The following CNOT6L variants were observed in gnomAD, a reference collection of about 807,000 sequenced individuals.
CNOT6L encodes CCR4-NOT transcription complex subunit 6 like.
In CNOT6L, 7 loss-of-function variants were observed where a neutral mutation model predicts 64.0. That is an observed-to-expected ratio of 0.11 (90% CI 0.06 to 0.21). The LOEUF (loss-of-function observed/expected upper bound fraction) is 0.21. Among genes scored for constraint, CNOT6L ranks in the 10% least tolerant of loss-of-function variants. CNOT6L has a pLI of 1.00. For missense variants in CNOT6L, 245 were observed against 669.0 expected (o/e 0.37, Z 6.99); for synonymous variants, 193 against 243.4 (o/e 0.79, Z 1.93).
At chr4:77,746,517 C>A (rs1191748625) in intron 6 of CNOT6L, among the ~76,000 whole-genome samples, 4 of 152,116 alleles carry the variant, frequency 2.6e-5, no homozygotes, top group African/African-American at 9.7e-5. Flanking sequence ...CCATACCTCA[C>A]AAGAAAAGTC....
Position 77,754,344 on chromosome 4 carries a change from A to T in CNOT6L, c.490+2518T>A, listed in dbSNP as rs142297465. Among the ~76,000 whole-genome samples, 903 of 152,308 alleles carry T rather than the reference A, an allele frequency of 5.9e-3. 5 individuals carry two copies. The highest frequency in any genetic ancestry group is 0.034 in the Middle Eastern group (10 of 294). On this transcript the variant is annotated intron_variant, in intron 5 of 11. Transcript: ENST00000504123. ...AATGACTATTTTTAAGCGAATTAAG[A>T]AGTTAGTATTTAGAATAAATGTAAT...
Position 77,718,483 on chromosome 4 carries a change from T to G in CNOT6L, c.*1948A>C, listed in dbSNP as rs531648954. ...ATCTGTCATCTTAAGGGTTGTTTCT[T>G]TTTGTTTGTTTATCCTGGTACTTTA... On this transcript the variant is annotated 3_prime_UTR_variant, in exon 12 of 12. Coordinates refer to ENST00000504123, the MANE Select transcript of CNOT6L (RefSeq NM_144571.3). The G allele has an allele frequency of 3.0e-4, 46 of 152,732 alleles. No individual in the cohort carries two copies. The highest frequency in any genetic ancestry group is 9.6e-4 in the African/African-American group (40 of 41,578). 9.5% of individuals were successfully genotyped at this position (152,732 alleles called of 1,614,324 possible). A position where few individuals can be genotyped will look rare whatever the true frequency, so the allele number is the denominator to read the frequency against.
intron 1 of CNOT6L, among the ~76,000 whole-genome samples, chr4:77,800,483 T>C (rs1190960901): frequency 6.6e-6 from 1 of 151,718 alleles, no homozygotes; most frequent in Non-Finnish European, 1.5e-5. Flanking sequence ...CACTCCAGCC[T>C]GTGAGCGACA....
intron 1 of CNOT6L, among the ~76,000 whole-genome samples, chr4:77,788,683 A>C (rs896776161): frequency 2.6e-5 from 4 of 152,158 alleles, no homozygotes; most frequent in Non-Finnish European, 5.9e-5. Flanking sequence ...AGCCAAGATT[A>C]TGCCACTGCA....
intron 1 of CNOT6L, among the ~76,000 whole-genome samples, chr4:77,783,098 TA>T (rs935286151): frequency 3.0e-5 from 3 of 98,570 alleles, no homozygotes; most frequent in Non-Finnish European, 3.9e-5. Context: ...AACATTTTTT[TA>T]AAAAAGACTT....
chr4:77,718,370 C>T lies in CNOT6L; in HGVS notation c.*2061G>A. 1 of 152,542 alleles carries T rather than the reference C, an allele frequency of 6.6e-6. No individual in the cohort carries two copies. Among genetic ancestry groups the T allele is most frequent in the Non-Finnish European group, 1.5e-5 (1 of 68,020 alleles). The allele number at this position is 152,542 out of a possible 1,614,324, so 9.4% of individuals were successfully genotyped here. A position where few individuals can be genotyped will look rare whatever the true frequency, so the allele number is the denominator to read the frequency against. ...TAAGTTTTTCATGCTATTCTACTTT[C>T]CAGTACTATGCTTCAGGTAATCAAT... On this transcript the variant is annotated 3_prime_UTR_variant, in exon 12 of 12. Coordinates refer to ENST00000504123, the MANE Select transcript of CNOT6L (RefSeq NM_144571.3).
chr4:77,808,462 CAA>C (rs1191618329), intron 1 of CNOT6L, among the ~76,000 whole-genome samples: 13 of 59,728 alleles, frequency 2.2e-4, no homozygotes, highest in Admixed American at 4.0e-4. Flanking sequence ...TCTGCCATCT[CAA>C]AAAAAAAAAA....
At chr4:77,743,461 AT>A (rs900620877) in intron 7 of CNOT6L, among the ~76,000 whole-genome samples, 12 of 151,934 alleles carry the variant, frequency 7.9e-5, no homozygotes, top group East Asian at 3.9e-4. Flanking sequence ...ATTTTAAAAG[AT>A]TTTTACTTTT....
rs1720751445 is a variant in CNOT6L, at chr4:77,716,404, G to C, written c.*4027C>G. The C allele has an allele frequency of 6.6e-6, 1 of 152,034 alleles. No homozygotes were observed. Among genetic ancestry groups the C allele is most frequent in the Non-Finnish European group, 1.5e-5 (1 of 67,978 alleles). 9.4% of individuals were successfully genotyped at this position (152,034 alleles called of 1,614,324 possible). A position where few individuals can be genotyped will look rare whatever the true frequency, so the allele number is the denominator to read the frequency against. ...GTATTAGGAATGACATAATGATGTG[G>C]TTATATGCCTCTGGTTCTTCAAAGA... On this transcript the variant is annotated 3_prime_UTR_variant, in exon 12 of 12. Coordinates refer to ENST00000504123, the MANE Select transcript of CNOT6L (RefSeq NM_144571.3).
intron 1 of CNOT6L, among the ~76,000 whole-genome samples, chr4:77,792,581 C>G (rs1461326821): frequency 6.6e-6 from 1 of 151,960 alleles, no homozygotes; most frequent in Non-Finnish European, 1.5e-5. Context: ...CAAAAATTAG[C>G]TGGGCATGGC....
At chr4:77,765,398 T>G (rs1726718586) in intron 4 of CNOT6L, among the ~76,000 whole-genome samples, 1 of 152,118 alleles carries the variant, frequency 6.6e-6, no homozygotes, top group Non-Finnish European at 1.5e-5. Flanking sequence ...AAAGTTCTCA[T>G]AACTAAAATA....
At chr4:77,813,247 C>A (rs765963073) in intron 1 of CNOT6L, among the ~76,000 whole-genome samples, 63 of 151,670 alleles carry the variant, frequency 4.2e-4, no homozygotes, top group Non-Finnish European at 7.8e-4. Flanking sequence ...ACTCTCAGGA[C>A]AAAACAGGGA....
chr4:77,816,388 A>T (rs1029273941), intron 1 of CNOT6L, among the ~76,000 whole-genome samples: 2 of 152,200 alleles, frequency 1.3e-5, no homozygotes, highest in Admixed American at 1.3e-4. Flanking sequence ...AAAAAGTATC[A>T]TTTATAGTTT....
intron 8 of CNOT6L, among the ~76,000 whole-genome samples, chr4:77,732,571 C>A (rs1369388847): frequency 6.6e-6 from 1 of 152,064 alleles, no homozygotes; most frequent in Admixed American, 6.6e-5. Flanking sequence ...TCCCTTCCCT[C>A]CTCCAATTCT....
At chr4:77,765,207 C>A (rs1263783624) in intron 4 of CNOT6L, among the ~76,000 whole-genome samples, 1 of 151,408 alleles carries the variant, frequency 6.6e-6, no homozygotes, top group Non-Finnish European at 1.5e-5. Flanking sequence ...AGACAGTTAC[C>A]CTATATGGTC....
chr4:77,780,618 C>G (rs1400373519), intron 1 of CNOT6L, among the ~76,000 whole-genome samples: 1 of 152,138 alleles, frequency 6.6e-6, no homozygotes, highest in Non-Finnish European at 1.5e-5. Flanking sequence ...TGAGAGTAAC[C>G]ATCAGTCCTA....
chr4:77,795,582 G>A (rs1457716989), intron 1 of CNOT6L, among the ~76,000 whole-genome samples: 4 of 152,006 alleles, frequency 2.6e-5, no homozygotes, highest in African/African-American at 9.7e-5. Context: ...CTTCACTCCT[G>A]TTCTTTCTGT....
chr4:77,763,072 T>A, intron 4 of CNOT6L, among the ~76,000 whole-genome samples: 1 of 151,352 alleles, frequency 6.6e-6, no homozygotes. Flanking sequence ...AGAAAGTAAA[T>A]AGAATGAAAA....
At chr4:77,756,317 C>G (rs1725576343) in intron 5 of CNOT6L, among the ~76,000 whole-genome samples, 1 of 152,136 alleles carries the variant, frequency 6.6e-6, no homozygotes, top group African/African-American at 2.4e-5. Flanking sequence ...AAGAAAACTT[C>G]CATTTGGAAT....
Sources: allele counts gnomAD v4.1 joint callset (sites outside exome capture counted in the v4.1 genomes callset), GRCh38; gene constraint gnomAD v4.1.1; transcripts MANE v1.5; gene names NCBI Gene and HGNC (gene_info 2026-07-23, HGNC 2026-07-21).